The following ACOX1 variants were observed in gnomAD, a reference collection of about 807,000 sequenced individuals.
ACOX1 encodes the protein peroxisomal acyl-coenzyme A oxidase 1.
Under a neutral mutation model 75.5 loss-of-function variants are expected in ACOX1, and 41 were observed. That is an observed-to-expected ratio of 0.54 (90% CI 0.42 to 0.70). The LOEUF (loss-of-function observed/expected upper bound fraction) is 0.70. Among genes scored for constraint, ACOX1 ranks in the 30% least tolerant of loss-of-function variants. The pLI is 0.00. For synonymous variants in ACOX1, 303 were observed against 298.8 expected, an observed-to-expected ratio of 1.01 and a Z score of -0.15; for missense variants, 630 against 837.5, an observed-to-expected ratio of 0.75 and a Z score of 3.06.
chr17:75,946,128 C>T lies in ACOX1; in HGVS notation c.*620G>A, dbSNP rs777876086. On this transcript the variant is annotated 3_prime_UTR_variant, in exon 14 of 14. Coordinates refer to ENST00000293217, the MANE Select transcript of ACOX1 (RefSeq NM_004035.7). Reference sequence around the variant, plus strand: ...ACAATGGTCCTACAGTAGGCCCGTGCGGAATAAGTTCCCTCGTTGGAAAAA... The same window carrying T: ...ACAATGGTCCTACAGTAGGCCCGTGTGGAATAAGTTCCCTCGTTGGAAAAA... The T allele has an allele frequency of 1.1e-3, 179 of 158,766 alleles. 1 individual carries two copies. The highest frequency in any genetic ancestry group is 1.6e-3 in the Non-Finnish European group (112 of 71,884). 9.8% of individuals were successfully genotyped at this position (158,766 alleles called of 1,614,324 possible).
chr17:75,975,157 ATTTCTTTTTT>A (rs1038094669), intron 2 of ACOX1, among the ~76,000 whole-genome samples: 1 of 150,524 alleles, frequency 6.6e-6, no homozygotes, highest in Non-Finnish European at 1.5e-5. Context: ...TATCCCCGCC[ATTTCTTTTTT>A]TTTCTTTTTT....
intron 2 of ACOX1, among the ~76,000 whole-genome samples, chr17:75,970,202 G>GAGGA (rs372373011): frequency 1.1e-5 from 1 of 90,824 alleles, no homozygotes; most frequent in Non-Finnish European, 2.2e-5. Flanking sequence ...AAAAAAAAAA[G>GAGGA]AGGAAGGAAG....
chr17:75,946,124 C>T lies in ACOX1; in HGVS notation c.*624G>A, dbSNP rs2065718157. Reference sequence around the variant, plus strand: ...CGAGACAATGGTCCTACAGTAGGCCCGTGCGGAATAAGTTCCCTCGTTGGA... The same window carrying T: ...CGAGACAATGGTCCTACAGTAGGCCTGTGCGGAATAAGTTCCCTCGTTGGA... On this transcript the variant is annotated 3_prime_UTR_variant, in exon 14 of 14. Transcript: ENST00000293217. 1 of 158,616 alleles carries T rather than the reference C, an allele frequency of 6.3e-6. No individual in the cohort carries two copies. 9.8% of individuals were successfully genotyped at this position (158,616 alleles called of 1,614,324 possible). A position where few individuals can be genotyped will look rare whatever the true frequency, so the allele number is the denominator to read the frequency against.
chr17:75,970,240 G>A (rs2065982062), intron 2 of ACOX1, among the ~76,000 whole-genome samples: 1 of 147,774 alleles, frequency 6.8e-6, no homozygotes, highest in Non-Finnish European at 1.5e-5. Flanking sequence ...AAGCAAACAA[G>A]GAAAACAAAG....
intron 2 of ACOX1, among the ~76,000 whole-genome samples, chr17:75,966,735 G>C (rs546583891): frequency 6.6e-6 from 1 of 152,252 alleles, no homozygotes; most frequent in East Asian, 1.9e-4. Flanking sequence ...AGGAGGCAGA[G>C]GTTGCAGTGA....
rs35921553 is a variant in ACOX1, at chr17:75,975,853, C to CAGAGAG, written c.269+2675_269+2680dup. Among the ~76,000 whole-genome samples the CAGAGAG allele has an allele frequency of 1.5e-3, 189 of 127,192 alleles. 3 individuals carry two copies. The highest frequency in any genetic ancestry group is 0.014 in the Admixed American group (161 of 11,318). The allele number at this position is 127,192 out of a possible 152,430, so 83.4% of individuals were successfully genotyped here. On this transcript the variant is annotated intron_variant, in intron 2 of 13. Transcript: ENST00000293217. ...CTGATAATGGAAATAAATGGAAATG[C>CAGAGAG]AGAGAGAGAGAGAGAGAGAGAAAGA...
chr17:75,953,421 T>C (rs758435712), intron 7 of ACOX1, 30 bp downstream of exon 7: 2 of 1,611,680 alleles, frequency 1.2e-6, no homozygotes, highest in Non-Finnish European at 1.7e-6. Flanking sequence ...AGGCCTTTGG[T>C]ACTGAGCCCA....
At chr17:75,955,046 T>G (rs2065811207) in intron 6 of ACOX1, among the ~76,000 whole-genome samples, 1 of 152,070 alleles carries the variant, frequency 6.6e-6, no homozygotes, top group South Asian at 2.1e-4. Context: ...TTTTTGGTAT[T>G]TTTAGTAGAG....
intron 3 of ACOX1, among the ~76,000 whole-genome samples, chr17:75,958,136 C>T (rs1478594390): frequency 2.6e-5 from 4 of 151,688 alleles, no homozygotes; most frequent in Non-Finnish European, 5.9e-5. Context: ...GGGTGGATCA[C>T]GAGGTCAGGA....
At position 75,948,337 on chromosome 17, in the gene ACOX1, G is replaced by C; in HGVS notation, c.1849C>G (p.Leu617Val). The change falls in exon 13 of 14, where the codon CTT (leucine) becomes GTT (valine). Residue 617 changes from leucine (L) to valine (V), a missense_variant. By Grantham distance (32) the Leu-to-Val change is conservative (BLOSUM62 1). Coordinates refer to ENST00000293217, the MANE Select transcript of ACOX1 (RefSeq NM_004035.7). The part of the protein sequence containing the change: ...VDAFDFQDVT[L>V]GSVLGRYDGN... ...TCATAGCGGCCAAGCACAGAGCCAA[G>C]TGTCACATCCTGAAAATCAAATGCA... The C allele has an allele frequency of 6.2e-7, 1 of 1,614,108 alleles. No individual in the cohort carries two copies. The highest frequency in any genetic ancestry group is 8.5e-7 in the Non-Finnish European group (1 of 1,180,032).
rs151255626 is a variant in ACOX1 at position 75,949,828 on chromosome 17, G to A, written c.1368C>T (p.Asn456=). The A allele has an allele frequency of 1.2e-3, 1,924 of 1,614,190 alleles. 6 individuals carry two copies. The highest frequency in any genetic ancestry group is 1.1e-3 in the Non-Finnish European group (1,303 of 1,180,040). ...GCTGGATGCGCTGACTGGGCAGGTCGTTCAAATAGGACACCATGCCACACA... is the reference window on the plus strand; with the variant it reads ...GCTGGATGCGCTGACTGGGCAGGTCATTCAAATAGGACACCATGCCACACA... ...KLVCGMVSYL[N]DLPSQRIQPQ... Residue 456 remains asparagine (N), a synonymous_variant, in exon 10 of 14, where the codon AAC becomes AAT. Transcript: ENST00000293217.
Position 75,945,713 on chromosome 17 carries a change from T to C in ACOX1, c.*1035A>G, listed in dbSNP as rs2065713799. The C allele has an allele frequency of 6.5e-6, 1 of 153,718 alleles. No individual in the cohort carries two copies. The highest frequency in any genetic ancestry group is 2.4e-5 in the African/African-American group (1 of 41,444). 9.5% of individuals were successfully genotyped at this position (153,718 alleles called of 1,614,324 possible). ...AATAGACTGAAAACAAAGCCATACA[T>C]AGAGTAAGAAATAGAACCTATGGAA... is the stretch of plus-strand genomic sequence containing the variant. On this transcript the variant is annotated 3_prime_UTR_variant, in exon 14 of 14. Coordinates refer to ENST00000293217, the MANE Select transcript of ACOX1 (RefSeq NM_004035.7).
chr17:75,948,478 T>C (rs750977552), intron 12 of ACOX1, 21 bp from the exon 13 acceptor site: 1 of 1,586,030 alleles, frequency 6.3e-7, no homozygotes, highest in Non-Finnish European at 8.7e-7. Context: ...CCAAAATAAG[T>C]AAATAAAACA....
chr17:75,953,389 G>A, intron 7 of ACOX1, 62 bp downstream of exon 7: 1 of 1,588,614 alleles, frequency 6.3e-7, no homozygotes, highest in South Asian at 1.1e-5. Flanking sequence ...GGGAATTCTG[G>A]GATCTGAATG....
chr17:75,950,759 G>C lies in ACOX1; in HGVS notation c.1298+15C>G. 1 of 1,612,964 alleles carries C rather than the reference G, an allele frequency of 6.2e-7. No individual in the cohort carries two copies. The highest frequency in any genetic ancestry group is 8.5e-7 in the Non-Finnish European group (1 of 1,179,102). ...CTTATGAACAGATGGGAGGAATCGA[G>C]GATTTGACTCTCACCTAGCCGTCTG... On this transcript the variant is annotated intron_variant, in intron 9 of 13. Coordinates refer to ENST00000293217, the MANE Select transcript of ACOX1 (RefSeq NM_004035.7). This position sits in a 1 kb window ranked among gnomAD's most constrained non-coding sequence, Gnocchi z 4.3.
chr17:75,942,615 A>T lies in ACOX1; in HGVS notation c.*4133T>A. ...AAACCTTTATCTAAGTCAGAACATC[A>T]ACAAGACTCTTGGTCTCAGGTCATC... On this transcript the variant is annotated 3_prime_UTR_variant, in exon 14 of 14. Transcript: ENST00000293217. The T allele has an allele frequency of 6.6e-6, 1 of 152,082 alleles. No individual in the cohort carries two copies. The highest frequency in any genetic ancestry group is 1.5e-5 in the Non-Finnish European group (1 of 68,012). The allele number at this position is 152,082 out of a possible 1,614,324, so 9.4% of individuals were successfully genotyped here.
In ACOX1 at chr17:75,945,743, C is replaced by A. The variant is rs1253681503; in HGVS notation, c.*1005G>T. 2.0e-5 allele frequency: 3 copies of A among 153,280 alleles called. No homozygotes were observed. Among genetic ancestry groups the A allele is most frequent in the Non-Finnish European group, 4.4e-5 (3 of 67,968 alleles). 9.5% of individuals were successfully genotyped at this position (153,280 alleles called of 1,614,324 possible). A position where few individuals can be genotyped will look rare whatever the true frequency, so the allele number is the denominator to read the frequency against. On this transcript the variant is annotated 3_prime_UTR_variant, in exon 14 of 14. Coordinates refer to ENST00000293217, the MANE Select transcript of ACOX1 (RefSeq NM_004035.7). ...TAAGAAATAGAACCTATGGAACTTC[C>A]ATTTTTCTAACTATAGTTTTTTGTT...
intron 10 of ACOX1, 22 bp downstream of exon 10, chr17:75,949,696 T>C (rs1389116858): frequency 2.5e-6 from 4 of 1,614,032 alleles, no homozygotes; most frequent in Non-Finnish European, 3.4e-6. Context: ...CTGCGTATTC[T>C]AGCTCTTGAG....
intron 2 of ACOX1, among the ~76,000 whole-genome samples, chr17:75,970,484 G>C (rs1171591881): frequency 2.0e-5 from 3 of 152,154 alleles, no homozygotes; most frequent in Non-Finnish European, 4.4e-5. Context: ...GTATATCCGA[G>C]TTTCTTCGTG....
Sources: allele counts gnomAD v4.1 joint callset (sites outside exome capture counted in the v4.1 genomes callset), GRCh38; gene constraint gnomAD v4.1.1; non-coding constraint Gnocchi (gnomAD v3.1); transcripts MANE v1.5; gene names NCBI Gene and HGNC (gene_info 2026-07-23, HGNC 2026-07-21).